Variants in ATP6V0E1 observed in about 807,000 individuals in gnomAD.
ATP6V0E1 encodes V-type proton ATPase subunit e 1.
In ATP6V0E1, 4 loss-of-function variants were observed where a neutral mutation model predicts 11.6. That is an observed-to-expected ratio of 0.35 (90% CI 0.17 to 0.79). The LOEUF is 0.79. Among genes scored for constraint, ATP6V0E1 ranks in the 30% least tolerant of loss-of-function variants. The pLI, the probability that ATP6V0E1 is intolerant of heterozygous loss-of-function variation, is 0.54. For missense variants in ATP6V0E1, 105 were observed against 100.0 expected, an observed-to-expected ratio of 1.05 and a Z score of -0.21; for synonymous variants, 36 against 34.8, an observed-to-expected ratio of 1.04 and a Z score of -0.13.
chr5:172,989,675 G>T (rs1272980663), intron 1 of ATP6V0E1, among the ~76,000 whole-genome samples: 1 of 151,806 alleles, frequency 6.6e-6, no homozygotes, highest in Non-Finnish European at 1.5e-5. Flanking sequence ...TACAGGCATG[G>T]GCCACCATGC....
intron 1 of ATP6V0E1, among the ~76,000 whole-genome samples, chr5:172,993,681 C>CT (rs1332331700): frequency 2.8e-5 from 3 of 108,648 alleles, no homozygotes; most frequent in East Asian, 6.5e-4. Flanking sequence ...ATATTGAGAC[C>CT]CCCCCCCCCG....
intron 3 of ATP6V0E1, among the ~76,000 whole-genome samples, chr5:173,027,077 G>A (rs1351873545): frequency 2.6e-5 from 4 of 151,176 alleles, no homozygotes; most frequent in Non-Finnish European, 5.9e-5. Flanking sequence ...TACTCGGGAG[G>A]CTGGGGCAGG....
intron 2 of ATP6V0E1, among the ~76,000 whole-genome samples, chr5:172,995,142 C>T (rs934678245): frequency 6.6e-6 from 1 of 152,208 alleles, no homozygotes; most frequent in Non-Finnish European, 1.5e-5. Flanking sequence ...CCCGCTCTGT[C>T]GCCCAGGCTG....
intron 2 of ATP6V0E1, among the ~76,000 whole-genome samples, chr5:173,018,069 G>A (rs543338017): frequency 2.4e-4 from 37 of 152,114 alleles, no homozygotes; most frequent in Non-Finnish European, 4.7e-4. Flanking sequence ...GGAAGTTAGA[G>A]GTTCCGATCC....
chr5:173,006,809 T>G (rs1225442624), intron 2 of ATP6V0E1, among the ~76,000 whole-genome samples: 1 of 152,208 alleles, frequency 6.6e-6, no homozygotes, highest in African/African-American at 2.4e-5. Context: ...TGGGGGTTTT[T>G]TTTGGCCTGA....
At chr5:172,998,988 T>C (rs569561888) in intron 2 of ATP6V0E1, among the ~76,000 whole-genome samples, 43 of 152,142 alleles carry the variant, frequency 2.8e-4, no homozygotes, top group African/African-American at 9.6e-4. Context: ...AATACAAAAT[T>C]AGCCCCATGT....
At chr5:173,002,759 A>G (rs1756178315) in intron 2 of ATP6V0E1, among the ~76,000 whole-genome samples, 1 of 152,230 alleles carries the variant, frequency 6.6e-6, no homozygotes, top group East Asian at 1.9e-4. Context: ...AAGCTGAGGC[A>G]GGAGAATTGC....
intron 2 of ATP6V0E1, among the ~76,000 whole-genome samples, chr5:173,010,361 T>C (rs900521161): frequency 2.0e-5 from 3 of 152,350 alleles, no homozygotes; most frequent in Middle Eastern, 3.4e-3. Flanking sequence ...CAGTGTTTAT[T>C]GAACATCTAT....
chr5:173,010,161 T>C (rs76127243), intron 2 of ATP6V0E1, among the ~76,000 whole-genome samples: 2,238 of 152,304 alleles, frequency 0.015, 59 homozygotes, highest in African/African-American at 0.051. Context: ...AGAGTGTGTA[T>C]ACTGAGTGGT....
chr5:172,995,457 G>A (rs973364280), intron 2 of ATP6V0E1, among the ~76,000 whole-genome samples: 9 of 152,180 alleles, frequency 5.9e-5, no homozygotes, highest in African/African-American at 1.9e-4. Flanking sequence ...CACTAATGGA[G>A]CTAATAAAGC....
In ATP6V0E1 at chr5:172,983,960, C is replaced by A; in HGVS notation, c.100C>A (p.Arg34=). 6.2e-7 allele frequency: 1 copy of A among 1,612,474 alleles called. No individual in the cohort carries two copies. The highest frequency in any genetic ancestry group is 2.2e-5 in the East Asian group (1 of 44,868). The change falls in exon 1 of 4, where the codon CGG becomes AGG. Residue 34 remains arginine, a synonymous_variant. Coordinates refer to ENST00000519374, the MANE Select transcript of ATP6V0E1 (RefSeq NM_003945.4). The part of the protein sequence containing the change: ...VPWFIPKGPN[R]GVIITMLVTC... ...TTGGTTCATCCCTAAGGGTCCTAAC[C>A]GGGGGTAAGTGCGTGAGGCCCGCCT... is the stretch of plus-strand genomic sequence containing the variant.
intron 2 of ATP6V0E1, among the ~76,000 whole-genome samples, chr5:172,995,782 C>T (rs941637569): frequency 2.0e-5 from 3 of 151,918 alleles, no homozygotes; most frequent in Non-Finnish European, 4.4e-5. Context: ...GCTCAGCTAA[C>T]TTTTTTATTT....
rs1429503182 is a variant in ATP6V0E1 at position 173,032,244 on chromosome 5, TTTTATTTTATTTA to T, written c.*37-2147_*37-2135del. Among the ~76,000 whole-genome samples, 109 of 15,552 alleles carry T rather than the reference TTTTATTTTATTTA, an allele frequency of 7.0e-3. 1 individual carries two copies. The highest frequency in any genetic ancestry group is 0.032 in the African/African-American group (106 of 3,326). The allele number at this position is 15,552 out of a possible 152,430, so 10.2% of individuals were successfully genotyped here. Reference sequence around the variant, plus strand: ...GTAACATAATGCACATTTACTTTTATTTTATTTTATTTATTTATTTATTTATTTATTTATTTAT... The same window carrying T: ...GTAACATAATGCACATTTACTTTTATTTTATTTATTTATTTATTTATTTAT... On this transcript the variant is annotated intron_variant, in intron 3 of 3. Coordinates refer to ENST00000519374, the MANE Select transcript of ATP6V0E1 (RefSeq NM_003945.4).
At chr5:172,985,563 GCTT>G (rs1354253528) in intron 1 of ATP6V0E1, among the ~76,000 whole-genome samples, 6 of 152,108 alleles carry the variant, frequency 3.9e-5, no homozygotes, top group Non-Finnish European at 7.4e-5. Flanking sequence ...ACAACAAAGT[GCTT>G]CTTTGTTGTG....
At chr5:172,985,006 G>A (rs1755858920) in intron 1 of ATP6V0E1, among the ~76,000 whole-genome samples, 2 of 152,168 alleles carry the variant, frequency 1.3e-5, no homozygotes, top group Admixed American at 6.5e-5. Context: ...CAGCACTTTG[G>A]GAGGCCAAGG....
At chr5:173,016,277 G>T (rs902845405) in intron 2 of ATP6V0E1, among the ~76,000 whole-genome samples, 4 of 152,188 alleles carry the variant, frequency 2.6e-5, no homozygotes, top group African/African-American at 9.7e-5. Flanking sequence ...TTGAATTGGA[G>T]GACACCCAGC....
At chr5:173,019,283 A>T (rs545949) in intron 2 of ATP6V0E1, among the ~76,000 whole-genome samples, 31 of 151,894 alleles carry the variant, frequency 2.0e-4, no homozygotes, top group African/African-American at 7.3e-4. Flanking sequence ...CGGCTGGGCG[A>T]GGTGGCTCAC....
intron 1 of ATP6V0E1, among the ~76,000 whole-genome samples, chr5:172,987,784 G>A (rs1300894360): frequency 6.6e-6 from 1 of 151,850 alleles, no homozygotes; most frequent in East Asian, 1.9e-4. Context: ...CTCCATCATA[G>A]CTCACTGCAG....
rs1448885632 is a variant in ATP6V0E1 at position 173,020,301 on chromosome 5, C to T, written c.216C>T (p.Thr72=). ...TTGGACCGCAATTGAAAAATGAAAC[C>T]ATCTGGTATCTGAAGTATCATTGGC... ...PLFGPQLKNE[T]IWYLKYHWP The change falls in exon 3 of 4, where the codon ACC becomes ACT. Residue 72 remains threonine (T), a synonymous_variant. Coordinates refer to ENST00000519374, the MANE Select transcript of ATP6V0E1 (RefSeq NM_003945.4). 2 of 1,613,776 alleles carry T rather than the reference C, an allele frequency of 1.2e-6. No homozygotes were observed. The highest frequency in any genetic ancestry group is 1.7e-6 in the Non-Finnish European group (2 of 1,179,736).
Sources: gnomAD v4.1 joint callset for allele counts (sites outside exome capture counted in the v4.1 genomes callset) on GRCh38, gnomAD v4.1.1 for gene constraint, MANE v1.5 for transcripts, NCBI Gene and HGNC (gene_info 2026-07-23, HGNC 2026-07-21) for gene names.